ZNF827: variants seen among roughly 807,000 people sequenced by gnomAD.
ZNF827 encodes zinc finger protein 827.
ZNF827 carries 13 observed loss-of-function variants against 102.4 expected under a neutral mutation model. The observed-to-expected ratio is 0.13, with a 90% CI of 0.08 to 0.20. The LOEUF (loss-of-function observed/expected upper bound fraction) is 0.20, where lower values mean the gene tolerates loss of function less well. Ranked by LOEUF, ZNF827 falls within the 10% of genes least tolerant of loss-of-function variation. The pLI is 1.00. For missense variants in ZNF827, 1,103 were observed against 1,344.4 expected, an observed-to-expected ratio of 0.82 and a Z score of 2.81; for synonymous variants, 523 against 536.2, an observed-to-expected ratio of 0.98 and a Z score of 0.34.
At chr4:145,769,667 A>G (rs925694830) in intron 11 of ZNF827, among the ~76,000 whole-genome samples, 6 of 152,174 alleles carry the variant, frequency 3.9e-5, no homozygotes, top group African/African-American at 1.4e-4. Flanking sequence ...GGAAAGAGCC[A>G]GGGTGCCCTT....
intron 1 of ZNF827, among the ~76,000 whole-genome samples, chr4:145,910,351 C>T (rs62326186): frequency 0.028 from 4,326 of 152,232 alleles, 99 homozygotes; most frequent in Middle Eastern, 0.065. Context: ...GAGGAACTGC[C>T]CGTGTTCCTC....
intron 3 of ZNF827, among the ~76,000 whole-genome samples, chr4:145,887,769 AGCAG>A (rs1374858483): frequency 1.3e-5 from 2 of 152,204 alleles, no homozygotes; most frequent in African/African-American, 4.8e-5. Flanking sequence ...TTCACGCAGA[AGCAG>A]GCACCTTGGG....
chr4:145,902,394 C>T lies in ZNF827; in HGVS notation c.865G>A (p.Ala289Thr). 6.8e-6 allele frequency: 11 copies of T among 1,614,016 alleles called. No homozygotes were observed. Among genetic ancestry groups the T allele is most frequent in the Non-Finnish European group, 7.6e-6 (9 of 1,179,982 alleles). The change falls in exon 2 of 15, where the codon GCC becomes ACC. Residue 289 changes from alanine (A) to threonine (T), a missense_variant. Around this residue, in one of 5 missense-constraint regions of ZNF827, gnomAD observed 441 missense variants for 458.6 expected, o/e 0.96. Coordinates refer to ENST00000508784, the MANE Select transcript of ZNF827 (RefSeq NM_001306215.2). This position sits in a 1 kb window ranked among gnomAD's most constrained non-coding sequence, Gnocchi z 4.3. Reference protein sequence around the residue: ...LSLASMTSSAALLKEVAARAA... With the variant: ...LSLASMTSSATLLKEVAARAA... ...CTTGCGGCCACCTCCTTCAGAAGGG[C>T]CGCTGAGGAGGTCATAGAAGCCAGG...
intron 4 of ZNF827, among the ~76,000 whole-genome samples, chr4:145,880,274 A>T (rs1749553873): frequency 1.3e-5 from 2 of 152,314 alleles, no homozygotes; most frequent in South Asian, 4.1e-4. Flanking sequence ...CATTGTGCTA[A>T]CCTGGGCAAG....
intron 6 of ZNF827, among the ~76,000 whole-genome samples, chr4:145,848,394 A>C (rs1416321404): frequency 6.6e-6 from 1 of 152,232 alleles, no homozygotes; most frequent in African/African-American, 2.4e-5. Context: ...TTATGGCGAC[A>C]GACAGATTTT....
chr4:145,772,545 T>C (rs1736444319), intron 11 of ZNF827, among the ~76,000 whole-genome samples: 2 of 152,214 alleles, frequency 1.3e-5, no homozygotes, highest in Non-Finnish European at 2.9e-5. Context: ...TATTGGAACA[T>C]GGCCATGCCC....
intron 1 of ZNF827, among the ~76,000 whole-genome samples, chr4:145,921,767 C>T (rs909498351): frequency 6.6e-6 from 1 of 152,110 alleles, no homozygotes; most frequent in African/African-American, 2.4e-5. Flanking sequence ...CCTAATTCCC[C>T]AAGACTGGAA....
chr4:145,853,607 C>CA (rs933498012), intron 5 of ZNF827, among the ~76,000 whole-genome samples: 14 of 150,200 alleles, frequency 9.3e-5, no homozygotes, highest in African/African-American at 3.2e-4. Context: ...AAACAACCCA[C>CA]AAAAAAACAA....
intron 7 of ZNF827, among the ~76,000 whole-genome samples, 159 bp from the exon 8 acceptor site, chr4:145,823,684 A>G (rs1341181229): frequency 6.6e-6 from 1 of 152,226 alleles, no homozygotes; most frequent in African/African-American, 2.4e-5. Context: ...AAATGGAGAA[A>G]AAGAAAAGTC....
chr4:145,774,750 C>T (rs1736792885), intron 10 of ZNF827, 78 bp from the exon 11 acceptor site: 2 of 1,461,766 alleles, frequency 1.4e-6, no homozygotes, highest in Non-Finnish European at 1.9e-6. Context: ...TCCATTTATA[C>T]ACAGTACACT....
intron 7 of ZNF827, among the ~76,000 whole-genome samples, chr4:145,838,559 G>C (rs2126600300): frequency 6.6e-6 from 1 of 152,200 alleles, no homozygotes; most frequent in East Asian, 1.9e-4. Context: ...GGGGACCCTT[G>C]ATATTCAATA....
intron 5 of ZNF827, among the ~76,000 whole-genome samples, chr4:145,862,041 T>C (rs1747782054): frequency 6.6e-6 from 1 of 151,950 alleles, no homozygotes. Context: ...GCCTTGAGGG[T>C]GTGAGCTGGA....
Position 145,765,139 on chromosome 4 carries a change from C to T in ZNF827, c.3079G>A (p.Val1027Ile). ...TCAAACATGTTCTTCGTCTTGCAGA[C>T]AAAGTTGCAAAAAACACATTCGAAC... ...KGFECVFCNF[V>I]CKTKNMFERH... is the part of the protein sequence containing the mutation. The change falls in exon 13 of 15, where the codon GTC (valine) becomes ATC (isoleucine). Residue 1027 changes from valine (V) to isoleucine (I), a missense_variant. Coordinates refer to ENST00000508784, the MANE Select transcript of ZNF827 (RefSeq NM_001306215.2). This position sits in a 1 kb window ranked among gnomAD's most constrained non-coding sequence, Gnocchi z 4.7. 1.2e-6 allele frequency: 2 copies of T among 1,611,820 alleles called. No homozygotes were observed. The highest frequency in any genetic ancestry group is 1.7e-6 in the Non-Finnish European group (2 of 1,179,084).
At chr4:145,802,778 A>C (rs1287036337) in intron 8 of ZNF827, among the ~76,000 whole-genome samples, 1 of 151,998 alleles carries the variant, frequency 6.6e-6, no homozygotes. Flanking sequence ...CATCTCTACC[A>C]AAAAAAATTA....
At chr4:145,859,148 C>T (rs1747465029) in intron 5 of ZNF827, among the ~76,000 whole-genome samples, 1 of 152,008 alleles carries the variant, frequency 6.6e-6, no homozygotes, top group Non-Finnish European at 1.5e-5. Context: ...ATAACAGAGA[C>T]CAGAACCCAG....
chr4:145,829,905 T>C (rs1579307164), intron 7 of ZNF827, among the ~76,000 whole-genome samples: 1 of 152,360 alleles, frequency 6.6e-6, no homozygotes, highest in East Asian at 1.9e-4. Flanking sequence ...ACTCTGACCT[T>C]TGAATCACTT....
Position 145,938,444 on chromosome 4 carries a change from G to A in ZNF827, c.-37C>T, listed in dbSNP as rs1754395339. On this transcript the variant is annotated 5_prime_UTR_variant, in exon 1 of 15. Coordinates refer to ENST00000508784, the MANE Select transcript of ZNF827 (RefSeq NM_001306215.2). The stretch of plus-strand genomic sequence containing the variant: ...TCTCACATTCTCCTCCTTGGTTAAT[G>A]TGAGATCAAATAAACCCCCGTGGGG... The A allele has an allele frequency of 2.8e-6, 4 of 1,414,688 alleles. No homozygotes were observed. Among genetic ancestry groups the A allele is most frequent in the Non-Finnish European group, 3.8e-6 (4 of 1,057,930 alleles). 87.6% of individuals were successfully genotyped at this position (1,414,688 alleles called of 1,614,324 possible). A position where few individuals can be genotyped will look rare whatever the true frequency, so the allele number is the denominator to read the frequency against.
At chr4:145,818,987 G>T (rs1364633302) in intron 8 of ZNF827, among the ~76,000 whole-genome samples, 1 of 152,154 alleles carries the variant, frequency 6.6e-6, no homozygotes, top group Non-Finnish European at 1.5e-5. Flanking sequence ...GACTGGCATA[G>T]CAGGTCCTGA....
At chr4:145,894,786 GC>G (rs372866634) in intron 2 of ZNF827, among the ~76,000 whole-genome samples, 320 of 152,242 alleles carry the variant, frequency 2.1e-3, no homozygotes, top group African/African-American at 7.2e-3. Flanking sequence ...ACCCCCTGTA[GC>G]TTTTCTGCTG....
Sources: allele counts gnomAD v4.1 joint callset (sites outside exome capture counted in the v4.1 genomes callset), GRCh38; gene constraint gnomAD v4.1.1; regional missense constraint gnomAD v4.1.1; non-coding constraint Gnocchi (gnomAD v3.1); transcripts MANE v1.5; gene names NCBI Gene and HGNC (gene_info 2026-07-23, HGNC 2026-07-21).